Variants in GLRA3 observed in about 807,000 individuals in gnomAD.
GLRA3 encodes glycine receptor alpha 3.
A neutral mutation model predicts 60.4 loss-of-function variants in GLRA3; 44 were observed. That is an observed-to-expected ratio of 0.73 (90% CI 0.57 to 0.94). GLRA3 has a LOEUF of 0.94. Among genes scored for constraint, GLRA3 ranks in the 40% least tolerant of loss-of-function variants. The pLI, the probability that GLRA3 is intolerant of heterozygous loss-of-function variation, is 0.00. For synonymous variants in GLRA3, 223 were observed against 192.9 expected, an observed-to-expected ratio of 1.16 and a Z score of -1.29; for missense variants, 508 against 564.6, an observed-to-expected ratio of 0.90 and a Z score of 1.02.
intron 2 of GLRA3, among the ~76,000 whole-genome samples, chr4:174,776,337 T>C (rs1186615553): frequency 5.3e-5 from 8 of 151,992 alleles, no homozygotes; most frequent in Admixed American, 3.3e-4. Context: ...AACAGAAAAA[T>C]GGCCCTCCTA....
At chr4:174,661,325 A>G (rs1733429012) in intron 7 of GLRA3, among the ~76,000 whole-genome samples, 1 of 152,136 alleles carries the variant, frequency 6.6e-6, no homozygotes, top group Non-Finnish European at 1.5e-5. Flanking sequence ...TACCCTTTCT[A>G]TATATGCAAA....
chr4:174,642,388 C>T lies in GLRA3; in HGVS notation c.*1398G>A. ...TGGTGGACTGAGTTTGTGCATCTGA[C>T]CAATAATTAAAATACCTAAAAAGCA... On this transcript the variant is annotated 3_prime_UTR_variant, in exon 10 of 10. Coordinates refer to ENST00000274093, the MANE Select transcript of GLRA3 (RefSeq NM_006529.4). 1.0e-5 allele frequency: 10 copies of T among 969,750 alleles called. No individual in the cohort carries two copies. The highest frequency in any genetic ancestry group is 1.2e-5 in the Non-Finnish European group (10 of 815,966). 60.1% of individuals were successfully genotyped at this position (969,750 alleles called of 1,614,324 possible). A position where few individuals can be genotyped will look rare whatever the true frequency, so the allele number is the denominator to read the frequency against.
intron 1 of GLRA3, among the ~76,000 whole-genome samples, chr4:174,810,202 G>A (rs1740205311): frequency 6.6e-6 from 1 of 152,054 alleles, no homozygotes; most frequent in African/African-American, 2.4e-5. Context: ...GAAGAAAGGA[G>A]CAGTTAGAGA....
chr4:174,743,871 C>A (rs1015426224), intron 3 of GLRA3, among the ~76,000 whole-genome samples: 9 of 152,254 alleles, frequency 5.9e-5, no homozygotes, highest in African/African-American at 1.7e-4. Context: ...GAAGTGACAG[C>A]TCTGTGCCTG....
At chr4:174,691,313 A>G (rs1035451809) in intron 5 of GLRA3, among the ~76,000 whole-genome samples, 2 of 152,020 alleles carry the variant, frequency 1.3e-5, no homozygotes, top group Non-Finnish European at 2.9e-5. Context: ...ACTTTTTTTC[A>G]TAAGAAAAAA....
At chr4:174,802,073 A>G (rs370185480) in intron 1 of GLRA3, among the ~76,000 whole-genome samples, 2 of 152,068 alleles carry the variant, frequency 1.3e-5, no homozygotes, top group East Asian at 3.8e-4. Flanking sequence ...ATGAGGGAGA[A>G]GTCAAGCCTC....
chr4:174,778,985 T>G (rs895433410), intron 2 of GLRA3, among the ~76,000 whole-genome samples: 5 of 152,150 alleles, frequency 3.3e-5, no homozygotes. Context: ...CAAGGAGGCC[T>G]GCCTGCCTCT....
intron 5 of GLRA3, among the ~76,000 whole-genome samples, chr4:174,704,210 G>A (rs549105796): frequency 1.4e-5 from 2 of 143,394 alleles, no homozygotes; most frequent in African/African-American, 2.5e-5. Context: ...TGGGAGGATC[G>A]CTTGAGCCTG....
chr4:174,659,245 C>G, intron 7 of GLRA3, 48 bp from the exon 8 acceptor site: 2 of 1,444,058 alleles, frequency 1.4e-6, no homozygotes, highest in Non-Finnish European at 1.9e-6. Context: ...TATATTGTTA[C>G]TTCCTTTGAG....
chr4:174,733,534 C>A (rs1256193833), intron 3 of GLRA3, among the ~76,000 whole-genome samples: 2 of 152,148 alleles, frequency 1.3e-5, no homozygotes, highest in African/African-American at 4.8e-5. Context: ...CCTCTATCAG[C>A]CAGTGCACCC....
At chr4:174,745,847 T>C (rs1418437012) in intron 3 of GLRA3, among the ~76,000 whole-genome samples, 6 of 150,522 alleles carry the variant, frequency 4.0e-5, no homozygotes, top group Non-Finnish European at 8.9e-5. Context: ...AACATGAGTA[T>C]ACATTTCTCG....
At chr4:174,773,974 A>G (rs56095685) in intron 2 of GLRA3, among the ~76,000 whole-genome samples, 110,843 of 151,650 alleles carry the variant, frequency 0.73, 40,810 homozygotes, top group East Asian at 1. Flanking sequence ...GTACACCCAC[A>G]ATAGGGAAGC....
At chr4:174,699,698 A>T (rs1222555173) in intron 5 of GLRA3, among the ~76,000 whole-genome samples, 1 of 152,070 alleles carries the variant, frequency 6.6e-6, no homozygotes, top group Non-Finnish European at 1.5e-5. Context: ...TGCAGGTCTT[A>T]AGTTGCTCAT....
chr4:174,756,625 A>C (rs1488254030), intron 3 of GLRA3, among the ~76,000 whole-genome samples: 1 of 150,220 alleles, frequency 6.7e-6, no homozygotes, highest in Non-Finnish European at 1.5e-5. Flanking sequence ...TGGGAAACCT[A>C]CAGTTAATGC....
intron 1 of GLRA3, among the ~76,000 whole-genome samples, chr4:174,803,593 T>A (rs2111347916): frequency 6.6e-6 from 1 of 152,288 alleles, no homozygotes; most frequent in South Asian, 2.1e-4. Context: ...CACAGATAAG[T>A]TTAGTAAAAC....
intron 3 of GLRA3, among the ~76,000 whole-genome samples, chr4:174,756,640 C>CTT (rs1161025938): frequency 4.3e-5 from 1 of 23,208 alleles, no homozygotes; most frequent in Non-Finnish European, 1.7e-4. Context: ...TAATGCCATT[C>CTT]TTTTTTTTCT....
At chr4:174,730,031 C>T (rs1485397242) in intron 3 of GLRA3, among the ~76,000 whole-genome samples, 1 of 152,156 alleles carries the variant, frequency 6.6e-6, no homozygotes, top group Non-Finnish European at 1.5e-5. Flanking sequence ...CTAACTGCAA[C>T]TAAGGTTACA....
chr4:174,653,067 A>T (rs1733078632), intron 9 of GLRA3, among the ~76,000 whole-genome samples: 1 of 152,118 alleles, frequency 6.6e-6, no homozygotes, highest in Admixed American at 6.6e-5. Flanking sequence ...TATTAAATAG[A>T]TTATTCCAAA....
chr4:174,677,053 G>A lies in GLRA3; in HGVS notation c.927+25C>T, dbSNP rs1200966262. Reference sequence around the variant, plus strand: ...GATTTATAAGTGTGTGTGCAAAGATGTGCATGCTCATTCAGTGCACTTACT... The same window carrying A: ...GATTTATAAGTGTGTGTGCAAAGATATGCATGCTCATTCAGTGCACTTACT... On this transcript the variant is annotated intron_variant, in intron 7 of 9. Coordinates refer to ENST00000274093, the MANE Select transcript of GLRA3 (RefSeq NM_006529.4). 3.7e-6 allele frequency: 5 copies of A among 1,343,302 alleles called. 1 individual carries two copies. Among genetic ancestry groups the A allele is most frequent in the South Asian group, 2.3e-5 (2 of 85,572 alleles). 83.2% of individuals were successfully genotyped at this position (1,343,302 alleles called of 1,614,324 possible).
Sources: gnomAD v4.1 joint callset for allele counts (sites outside exome capture counted in the v4.1 genomes callset) on GRCh38, gnomAD v4.1.1 for gene constraint, MANE v1.5 for transcripts, NCBI Gene and HGNC (gene_info 2026-07-23, HGNC 2026-07-21) for gene names.